Variants in PLXDC2 observed in about 807,000 individuals in gnomAD.
PLXDC2 encodes the protein plexin domain-containing protein 2.
Under a neutral mutation model 68.9 loss-of-function variants are expected in PLXDC2, and 40 were observed. The observed-to-expected ratio is 0.58, with a 90% CI of 0.45 to 0.76. PLXDC2 has a LOEUF of 0.76. Among genes scored for constraint, PLXDC2 ranks in the 30% least tolerant of loss-of-function variants. The pLI, the probability that PLXDC2 is intolerant of heterozygous loss-of-function variation, is 0.00. For synonymous variants in PLXDC2, 243 were observed against 234.2 expected, an observed-to-expected ratio of 1.04 and a Z score of -0.34; for missense variants, 644 against 661.9, an observed-to-expected ratio of 0.97 and a Z score of 0.30.
chr10:20,247,025 A>G (rs1024751926), intron 13 of PLXDC2, among the ~76,000 whole-genome samples: 2 of 152,078 alleles, frequency 1.3e-5, no homozygotes, highest in African/African-American at 4.8e-5. Flanking sequence ...GGCACTCTCA[A>G]TCTTATGTGT....
intron 9 of PLXDC2, among the ~76,000 whole-genome samples, chr10:20,209,387 G>T (rs963421231): frequency 3.3e-5 from 5 of 151,944 alleles, no homozygotes; most frequent in African/African-American, 1.2e-4. Context: ...GGCCTGTTGT[G>T]GGGTGGGGGA....
intron 11 of PLXDC2, among the ~76,000 whole-genome samples, chr10:20,218,402 G>A (rs1305915845): frequency 2.0e-5 from 3 of 152,102 alleles, no homozygotes; most frequent in Non-Finnish European, 4.4e-5. Flanking sequence ...GTGGAAAGCA[G>A]CTGCTAAGTG....
intron 1 of PLXDC2, among the ~76,000 whole-genome samples, chr10:19,889,951 C>T (rs192328242): frequency 7.0e-4 from 107 of 152,282 alleles, no homozygotes; most frequent in Non-Finnish European, 1.1e-3. Flanking sequence ...GCCACTGAGG[C>T]GTAGAGTAGT....
At chr10:20,279,174 C>T (rs1836048515) in intron 13 of PLXDC2, among the ~76,000 whole-genome samples, 1 of 152,092 alleles carries the variant, frequency 6.6e-6, no homozygotes, top group African/African-American at 2.4e-5. Context: ...TAAATAATTT[C>T]TTAAGATATT....
rs552449094 is a variant in PLXDC2 at position 20,238,692 on chromosome 10, T to C, written c.1313-6653T>C. ...ATATATATATGTATATATATATATA[T>C]ACACACATATATATGTGTATATATA... On this transcript the variant is annotated intron_variant, in intron 12 of 13. Coordinates refer to ENST00000377252, the MANE Select transcript of PLXDC2 (RefSeq NM_032812.9). Among the ~76,000 whole-genome samples, 10 of 118,308 alleles carry C rather than the reference T, an allele frequency of 8.5e-5. 1 individual carries two copies. Among genetic ancestry groups the C allele is most frequent in the East Asian group, 5.0e-4 (2 of 4,016 alleles). The allele number at this position is 118,308 out of a possible 152,430, so 77.6% of individuals were successfully genotyped here.
At chr10:20,268,044 A>C (rs1479571074) in intron 13 of PLXDC2, among the ~76,000 whole-genome samples, 1 of 152,174 alleles carries the variant, frequency 6.6e-6, no homozygotes, top group African/African-American at 2.4e-5. Flanking sequence ...GTAAGGAATG[A>C]TTAAACACTG....
chr10:20,143,553 T>C (rs113592217), intron 5 of PLXDC2, 136 bp downstream of exon 5: 21 of 1,027,074 alleles, frequency 2.0e-5, no homozygotes, highest in African/African-American at 1.8e-4. Context: ...AGAGGACAAA[T>C]ATTATACTGC....
At chr10:20,082,947 A>ATG (rs1836596551) in intron 4 of PLXDC2, among the ~76,000 whole-genome samples, 2 of 151,616 alleles carry the variant, frequency 1.3e-5, no homozygotes, top group Non-Finnish European at 2.9e-5. Context: ...ATATGTACAT[A>ATG]TATGTATGTA....
chr10:19,946,354 C>G (rs1833900445), intron 1 of PLXDC2, among the ~76,000 whole-genome samples: 1 of 152,130 alleles, frequency 6.6e-6, no homozygotes, highest in Non-Finnish European at 1.5e-5. Flanking sequence ...TCTCTTCACT[C>G]CAACCAAATT....
intron 1 of PLXDC2, among the ~76,000 whole-genome samples, chr10:19,883,992 G>T (rs1470935448): frequency 2.8e-5 from 4 of 143,974 alleles, no homozygotes; most frequent in East Asian, 2.1e-4. Flanking sequence ...CAACTTCCTG[G>T]GCTCAGGTGA....
chr10:19,987,684 C>G (rs967751129), intron 1 of PLXDC2, among the ~76,000 whole-genome samples: 3 of 151,940 alleles, frequency 2.0e-5, no homozygotes, highest in Non-Finnish European at 4.4e-5. Context: ...GCCTCAGCCT[C>G]CCCGGTAGCT....
At chr10:20,025,774 T>C (rs1050238917) in intron 2 of PLXDC2, among the ~76,000 whole-genome samples, 3 of 152,260 alleles carry the variant, frequency 2.0e-5, no homozygotes, top group Middle Eastern at 3.4e-3. Context: ...AAGTTCCTTA[T>C]ACATTTTGGA....
At chr10:20,169,835 A>G (rs544145011) in intron 7 of PLXDC2, among the ~76,000 whole-genome samples, 18 of 152,200 alleles carry the variant, frequency 1.2e-4, no homozygotes, top group Non-Finnish European at 2.6e-4. Context: ...GACCTCACTT[A>G]AAATGGTTCT....
At chr10:19,916,123 T>A (rs373660391) in intron 1 of PLXDC2, among the ~76,000 whole-genome samples, 35 of 138,836 alleles carry the variant, frequency 2.5e-4, no homozygotes, top group African/African-American at 9.0e-4. Context: ...TGGAGGGAGT[T>A]GTGTTTTGTT....
chr10:19,975,603 G>C (rs1237152123), intron 1 of PLXDC2, among the ~76,000 whole-genome samples: 1 of 152,128 alleles, frequency 6.6e-6, no homozygotes, highest in Non-Finnish European at 1.5e-5. Flanking sequence ...ACTAATAAGA[G>C]CACTATTTAG....
Position 20,177,417 on chromosome 10 carries a change from T to G in PLXDC2, c.1061+8T>G, listed in dbSNP as rs372437836. On this transcript the variant is annotated splice_region_variant and intron_variant, in intron 9 of 13. Coordinates refer to ENST00000377252, the MANE Select transcript of PLXDC2 (RefSeq NM_032812.9). ...GTGTAGTAAACTTCAAAGGTAAAAA[T>G]ATAATAATAAGAATAATAATAAAAT... The G allele has an allele frequency of 1.5e-6, 2 of 1,372,668 alleles. No individual in the cohort carries two copies. Among genetic ancestry groups the G allele is most frequent in the Non-Finnish European group, 2.0e-6 (2 of 1,008,170 alleles). The allele number at this position is 1,372,668 out of a possible 1,614,324, so 85.0% of individuals were successfully genotyped here.
At chr10:20,038,511 C>T (rs1245886830) in intron 2 of PLXDC2, among the ~76,000 whole-genome samples, 1 of 151,952 alleles carries the variant, frequency 6.6e-6, no homozygotes, top group Non-Finnish European at 1.5e-5. Context: ...AATTGTATAC[C>T]ATGTAATTGT....
chr10:19,907,797 C>G (rs553719482), intron 1 of PLXDC2, among the ~76,000 whole-genome samples: 2 of 152,132 alleles, frequency 1.3e-5, no homozygotes, highest in East Asian at 1.9e-4. Context: ...AAAGGGGTAT[C>G]GGACTGGCTA....
chr10:19,924,455 C>T (rs1347522504), intron 1 of PLXDC2, among the ~76,000 whole-genome samples: 1 of 152,120 alleles, frequency 6.6e-6, no homozygotes, highest in Non-Finnish European at 1.5e-5. Context: ...GTACGGCTAG[C>T]AATTACATTG....
Sources: allele counts gnomAD v4.1 joint callset (sites outside exome capture counted in the v4.1 genomes callset), GRCh38; gene constraint gnomAD v4.1.1; transcripts MANE v1.5; gene names NCBI Gene and HGNC (gene_info 2026-07-23, HGNC 2026-07-21).